The following WDR64 variants were observed in gnomAD, a reference collection of about 807,000 sequenced individuals.
The protein encoded by WDR64 is WD repeat-containing protein 64.
In WDR64, 112 loss-of-function variants were observed where a neutral mutation model predicts 139.3. The ratio of observed to expected loss-of-function variants is 0.80; its 90% CI spans 0.69 to 0.94. The LOEUF is 0.94. WDR64 is among the 40% of genes least tolerant of loss of function. The probability of loss-of-function intolerance (pLI) is 0.00; values close to 1 mark genes in which losing one functional copy is unlikely to be tolerated. For missense variants in WDR64, 1,206 were observed against 1,293.1 expected (o/e 0.93, Z 1.03); for synonymous variants, 444 against 437.7 (o/e 1.01, Z -0.18).
chr1:241,726,433 C>A (rs2148207904), intron 10 of WDR64, among the ~76,000 whole-genome samples: 1 of 151,970 alleles, frequency 6.6e-6, no homozygotes, highest in East Asian at 1.9e-4. Context: ...AATGGTTGCA[C>A]AACTATTTAA....
At chr1:241,769,600 A>G in intron 17 of WDR64, 95 bp downstream of exon 17, 3 of 1,057,872 alleles carry the variant, frequency 2.8e-6, no homozygotes, top group South Asian at 3.0e-5. Context: ...TTTGCCATTG[A>G]AAGTAATAGA....
intron 17 of WDR64, among the ~76,000 whole-genome samples, chr1:241,769,886 G>A (rs973649192): frequency 1.3e-5 from 2 of 152,220 alleles, no homozygotes; most frequent in Non-Finnish European, 2.9e-5. Context: ...AGTATGGAAG[G>A]TCATATGGCA....
intron 14 of WDR64, among the ~76,000 whole-genome samples, chr1:241,750,301 T>A (rs1669930805): frequency 6.6e-6 from 1 of 152,206 alleles, no homozygotes; most frequent in African/African-American, 2.4e-5. Context: ...TCCTGGCTAT[T>A]GAGCGGATCT....
At chr1:241,695,729 A>G (rs1310352821) in intron 8 of WDR64, among the ~76,000 whole-genome samples, 1 of 152,200 alleles carries the variant, frequency 6.6e-6, no homozygotes, top group African/African-American at 2.4e-5. Flanking sequence ...GGAGGGATGA[A>G]GTGGCTTATT....
intron 8 of WDR64, among the ~76,000 whole-genome samples, chr1:241,688,660 G>A (rs1389972746): frequency 1.3e-4 from 20 of 152,216 alleles, no homozygotes; most frequent in Admixed American, 1.3e-3. Context: ...TGGAGAGACA[G>A]AGGGGCAAAC....
At chr1:241,751,377 G>A (rs999545697) in intron 14 of WDR64, among the ~76,000 whole-genome samples, 4 of 152,294 alleles carry the variant, frequency 2.6e-5, no homozygotes, top group South Asian at 4.1e-4. Context: ...GCAGGTGGAA[G>A]TTGGAGCTGA....
At chr1:241,700,161 T>C (rs1667655151) in intron 8 of WDR64, among the ~76,000 whole-genome samples, 2 of 147,428 alleles carry the variant, frequency 1.4e-5, no homozygotes, top group South Asian at 2.2e-4. Flanking sequence ...GAGGGAGGAA[T>C]CTGTTTCTTT....
chr1:241,708,613 C>T (rs1407060068), intron 8 of WDR64, among the ~76,000 whole-genome samples: 1 of 151,366 alleles, frequency 6.6e-6, no homozygotes, highest in Non-Finnish European at 1.5e-5. Context: ...TGCACCCAGC[C>T]TTTAAGAAAT....
chr1:241,746,761 CTT>C (rs34375079), intron 13 of WDR64, among the ~76,000 whole-genome samples: 9 of 142,006 alleles, frequency 6.3e-5, no homozygotes, highest in Non-Finnish European at 7.7e-5. Context: ...CATTTCAGTT[CTT>C]TTTTTTTTTT....
intron 5 of WDR64, among the ~76,000 whole-genome samples, chr1:241,678,563 G>C (rs1666652153): frequency 6.6e-6 from 1 of 152,126 alleles, no homozygotes; most frequent in African/African-American, 2.4e-5. Context: ...GGTGGCCCAT[G>C]GAAATAGTTA....
At position 241,757,448 on chromosome 1, in the gene WDR64, C is replaced by G. The variant is rs751998817; in HGVS notation, c.1936C>G (p.Gln646Glu). 1.2e-6 allele frequency: 2 copies of G among 1,609,792 alleles called. No homozygotes were observed. The highest frequency in any genetic ancestry group is 2.7e-5 in the African/African-American group (2 of 74,796). Reference protein sequence around the residue: ...VELIVERNFSQPTDNPTMDLL... With the variant: ...VELIVERNFSEPTDNPTMDLL... ...GTTGATAGTTGAGAGGAACTTTTCT[C>G]AACCTACTGATGTAAGTTTCCTCTC... The change falls in exon 15 of 28, where the codon CAA becomes GAA. Residue 646 changes from glutamine (Q) to glutamate (E), a missense_variant. Gln to Glu is a conservative substitution (Grantham distance 29). Transcript: ENST00000437684.
At chr1:241,724,209 C>A (rs900152647) in intron 10 of WDR64, among the ~76,000 whole-genome samples, 1 of 152,202 alleles carries the variant, frequency 6.6e-6, no homozygotes, top group African/African-American at 2.4e-5. Context: ...TATTCTCCAT[C>A]AGTTTAATAT....
intron 7 of WDR64, 126 bp downstream of exon 7, chr1:241,683,827 G>T: frequency 2.8e-6 from 2 of 706,492 alleles, no homozygotes; most frequent in Non-Finnish European, 2.2e-6. Flanking sequence ...CAAAATTAAA[G>T]TAATATAAAC....
At chr1:241,737,608 A>T (rs1669378222) in intron 10 of WDR64, among the ~76,000 whole-genome samples, 1 of 152,228 alleles carries the variant, frequency 6.6e-6, no homozygotes, top group African/African-American at 2.4e-5. Flanking sequence ...TTATTGATCA[A>T]TCAACACTTA....
chr1:241,708,310 G>A (rs889863392), intron 8 of WDR64, among the ~76,000 whole-genome samples: 1 of 152,166 alleles, frequency 6.6e-6, no homozygotes, highest in African/African-American at 2.4e-5. Context: ...TCAGTGGTGT[G>A]CATGAAAAAT....
At chr1:241,791,107 C>T (rs1246296733) in intron 25 of WDR64, among the ~76,000 whole-genome samples, 1 of 126,552 alleles carries the variant, frequency 7.9e-6, no homozygotes. Flanking sequence ...ATCAACATGG[C>T]GAAACTCCAT....
At chr1:241,766,130 T>G in intron 15 of WDR64, 88 bp from the exon 16 acceptor site, 1 of 1,290,214 alleles carries the variant, frequency 7.8e-7, no homozygotes, top group Non-Finnish European at 1.0e-6. Context: ...TGTTTTAAGT[T>G]GATGACAATT....
intron 25 of WDR64, among the ~76,000 whole-genome samples, 185 bp from the exon 26 acceptor site, chr1:241,795,022 C>G (rs1659321958): frequency 6.6e-6 from 1 of 152,102 alleles, no homozygotes; most frequent in South Asian, 2.1e-4. Context: ...CACAGTGGTA[C>G]TAAATCTTAC....
In WDR64 at chr1:241,770,629, G is replaced by A; in HGVS notation, c.2192G>A (p.Ser731Asn). ...CCCCACTCCCCTTATAGGAGATCAA[G>A]TCAGGATTCCATATGTTCTTCATCC... ...FRTPECARRS[S>N]QDSICSSSQC... is the part of the protein sequence containing the mutation. The change falls in exon 18 of 28, where the codon AGT becomes AAT. Residue 731 changes from serine (S) to asparagine (N), a missense_variant. Transcript: ENST00000437684. 2 of 1,551,244 alleles carry A rather than the reference G, an allele frequency of 1.3e-6. No homozygotes were observed. The highest frequency in any genetic ancestry group is 2.7e-5 in the African/African-American group (2 of 73,110).
Sources: gnomAD v4.1 joint callset for allele counts (sites outside exome capture counted in the v4.1 genomes callset) on GRCh38, gnomAD v4.1.1 for gene constraint, MANE v1.5 for transcripts, NCBI Gene and HGNC (gene_info 2026-07-23, HGNC 2026-07-21) for gene names.